MYO3B: variants seen among roughly 807,000 people sequenced by gnomAD.
MYO3B encodes the protein myosin-IIIb.
In MYO3B, 156 loss-of-function variants were observed where a neutral mutation model predicts 174.6. The ratio of observed to expected loss-of-function variants is 0.89; its 90% CI spans 0.78 to 1.02. The LOEUF (loss-of-function observed/expected upper bound fraction) is 1.02. Ranked by LOEUF, MYO3B falls within the 50% of genes least tolerant of loss-of-function variation. The pLI, the probability that MYO3B is intolerant of heterozygous loss-of-function variation, is 0.00. For synonymous variants in MYO3B, 563 were observed against 569.1 expected (o/e 0.99, Z 0.15); for missense variants, 1,632 against 1,639.4 (o/e 1.00, Z 0.08).
At chr2:170,337,267 G>T (rs1194156706) in intron 8 of MYO3B, among the ~76,000 whole-genome samples, 1 of 152,078 alleles carries the variant, frequency 6.6e-6, no homozygotes, top group Non-Finnish European at 1.5e-5. Context: ...ACAAATCTGG[G>T]AGCTAAGGTT....
intron 22 of MYO3B, among the ~76,000 whole-genome samples, chr2:170,440,266 G>T (rs62170678): frequency 0.27 from 41,136 of 151,848 alleles, 5,854 homozygotes; most frequent in Admixed American, 0.36. Context: ...GGCTATTCTG[G>T]GTCCTTTGTG....
chr2:170,304,653 G>T (rs1221328250), intron 7 of MYO3B, among the ~76,000 whole-genome samples: 1 of 151,666 alleles, frequency 6.6e-6, no homozygotes, highest in African/African-American at 2.4e-5. Context: ...TTTTAGTAGA[G>T]ATGGGGTTTC....
chr2:170,426,388 T>G (rs1374412053), intron 22 of MYO3B, among the ~76,000 whole-genome samples: 2 of 149,058 alleles, frequency 1.3e-5, no homozygotes, highest in African/African-American at 4.9e-5. Context: ...CAGGCTCGAG[T>G]GCAGTGGCGC....
chr2:170,650,579 A>G (rs548774875), intron 32 of MYO3B, among the ~76,000 whole-genome samples: 23 of 152,092 alleles, frequency 1.5e-4, no homozygotes, highest in Admixed American at 4.6e-4. Context: ...TGTGTTGCCA[A>G]GAAATTAGAA....
intron 30 of MYO3B, among the ~76,000 whole-genome samples, chr2:170,538,184 C>G (rs1370183641): frequency 6.6e-6 from 1 of 152,194 alleles, no homozygotes; most frequent in African/African-American, 2.4e-5. Context: ...CTTGACTGAT[C>G]AGATACATTC....
intron 7 of MYO3B, among the ~76,000 whole-genome samples, chr2:170,273,900 C>T (rs1307357600): frequency 6.6e-6 from 1 of 152,102 alleles, no homozygotes; most frequent in Non-Finnish European, 1.5e-5. Flanking sequence ...CTTTAAATGG[C>T]AGTGGGGGGG....
At chr2:170,556,016 C>T (rs934711918) in intron 32 of MYO3B, among the ~76,000 whole-genome samples, 4 of 151,920 alleles carry the variant, frequency 2.6e-5, no homozygotes, top group African/African-American at 9.7e-5. Flanking sequence ...AGAAACATGA[C>T]GAAACACTGT....
intron 7 of MYO3B, among the ~76,000 whole-genome samples, chr2:170,243,478 A>G (rs780540843): frequency 2.0e-5 from 3 of 152,218 alleles, no homozygotes; most frequent in Non-Finnish European, 4.4e-5. Context: ...CACGGGTTCA[A>G]CTAGCAGCTC....
intron 3 of MYO3B, among the ~76,000 whole-genome samples, chr2:170,211,419 G>T (rs2092768950): frequency 6.6e-6 from 1 of 152,210 alleles, no homozygotes; most frequent in Non-Finnish European, 1.5e-5. Context: ...CAAGCAGCTA[G>T]TATTTCTGGC....
intron 30 of MYO3B, among the ~76,000 whole-genome samples, chr2:170,526,720 G>T (rs771850017): frequency 6.6e-6 from 1 of 152,114 alleles, no homozygotes; most frequent in Non-Finnish European, 1.5e-5. Flanking sequence ...AAACCTTTTT[G>T]AAGGCAGAAA....
intron 32 of MYO3B, among the ~76,000 whole-genome samples, chr2:170,611,747 T>C (rs1343577245): frequency 1.3e-5 from 2 of 152,220 alleles, no homozygotes; most frequent in African/African-American, 4.8e-5. Flanking sequence ...TTAATTTCTA[T>C]ACACCATCTC....
intron 30 of MYO3B, among the ~76,000 whole-genome samples, chr2:170,542,561 A>T (rs1258911007): frequency 2.6e-5 from 4 of 152,230 alleles, no homozygotes; most frequent in Non-Finnish European, 5.9e-5. Flanking sequence ...TGTGCTGTGC[A>T]GGAAGTGTAG....
chr2:170,619,299 G>A (rs1695690099), intron 32 of MYO3B, among the ~76,000 whole-genome samples: 1 of 152,168 alleles, frequency 6.6e-6, no homozygotes. Flanking sequence ...TAGGCTCTCT[G>A]CAGGGGGAAT....
intron 22 of MYO3B, among the ~76,000 whole-genome samples, chr2:170,414,351 C>A (rs1475852838): frequency 6.6e-6 from 1 of 152,036 alleles, no homozygotes. Flanking sequence ...CCACGCCTGG[C>A]TAATTTTTTG....
chr2:170,530,100 G>A (rs1242051284), intron 30 of MYO3B, among the ~76,000 whole-genome samples: 2 of 152,172 alleles, frequency 1.3e-5, no homozygotes, highest in Non-Finnish European at 2.9e-5. Context: ...CAACATCTCC[G>A]TGTGCATCTT....
intron 6 of MYO3B, among the ~76,000 whole-genome samples, chr2:170,234,198 C>CA (rs1046155739): frequency 1.3e-3 from 27 of 20,726 alleles, no homozygotes; most frequent in South Asian, 3.0e-3. Context: ...CAAAACAAAA[C>CA]AAAAAAAAAA....
At position 170,654,925 on chromosome 2, in the gene MYO3B, A is replaced by ATTGT. The variant is rs1457921070; in HGVS notation, c.*1807_*1810dup. 1 of 152,146 alleles carries ATTGT rather than the reference A, an allele frequency of 6.6e-6. No individual in the cohort carries two copies. Among genetic ancestry groups the ATTGT allele is most frequent in the Non-Finnish European group, 1.5e-5 (1 of 68,018 alleles). 9.4% of individuals were successfully genotyped at this position (152,146 alleles called of 1,614,324 possible). ...AAAAAATGCAGATAAATTTTATTTT[A>ATTGT]TTGTTTAAAAAATAATGTGTAGAAT... On this transcript the variant is annotated 3_prime_UTR_variant, in exon 35 of 35. Coordinates refer to ENST00000408978, the MANE Select transcript of MYO3B (RefSeq NM_138995.5).
intron 32 of MYO3B, among the ~76,000 whole-genome samples, chr2:170,591,583 C>CT (rs5836291): frequency 0.37 from 55,148 of 150,250 alleles, 12,260 homozygotes; most frequent in African/African-American, 0.63. Flanking sequence ...AGGACAAAGA[C>CT]TTTTTTTTTT....
intron 7 of MYO3B, among the ~76,000 whole-genome samples, chr2:170,255,701 T>C (rs2093298815): frequency 6.6e-6 from 1 of 151,964 alleles, no homozygotes; most frequent in South Asian, 2.1e-4. Flanking sequence ...CCCCCTGAGA[T>C]GAGAAGCAAT....
Sources: gnomAD v4.1 joint callset for allele counts (sites outside exome capture counted in the v4.1 genomes callset) on GRCh38, gnomAD v4.1.1 for gene constraint, MANE v1.5 for transcripts, NCBI Gene and HGNC (gene_info 2026-07-23, HGNC 2026-07-21) for gene names.